Variants in ZMYND11 observed in about 807,000 individuals in gnomAD.
ZMYND11 encodes the protein zinc finger MYND domain-containing protein 11.
Under a neutral mutation model 84.9 loss-of-function variants are expected in ZMYND11, and 9 were observed. The observed-to-expected ratio is 0.11, with a 90% CI of 0.06 to 0.18. The LOEUF is 0.18. Ranked by LOEUF, ZMYND11 falls within the 10% of genes least tolerant of loss-of-function variation. The pLI is 1.00. For missense variants in ZMYND11, 409 were observed against 761.0 expected (o/e 0.54, Z 5.44); for synonymous variants, 250 against 244.1 (o/e 1.02, Z -0.23).
At chr10:149,474 C>T (rs1004975033) in intron 1 of ZMYND11, among the ~76,000 whole-genome samples, 4 of 151,916 alleles carry the variant, frequency 2.6e-5, no homozygotes, top group Admixed American at 2.6e-4. Flanking sequence ...CCATGCCTGG[C>T]TAATTTTTTG....
At chr10:210,807 A>C (rs752195824) in intron 3 of ZMYND11, among the ~76,000 whole-genome samples, 5 of 152,120 alleles carry the variant, frequency 3.3e-5, no homozygotes, top group Non-Finnish European at 7.3e-5. Context: ...TGTTTCTAAT[A>C]CCTTGATTTA....
At chr10:240,772 T>C (rs1950757411) in intron 8 of ZMYND11, 121 bp from the exon 9 acceptor site, 1 of 783,290 alleles carries the variant, frequency 1.3e-6, no homozygotes, top group African/African-American at 1.8e-5. Flanking sequence ...GCTTAAAAGA[T>C]TAAGAAACAA....
chr10:191,367 T>G (rs991246674), intron 2 of ZMYND11, among the ~76,000 whole-genome samples: 34 of 152,348 alleles, frequency 2.2e-4, no homozygotes, highest in African/African-American at 7.9e-4. Context: ...TTTGAAGTTT[T>G]CAAAACATGA....
intron 13 of ZMYND11, 45 bp downstream of exon 13, chr10:248,653 C>T (rs1351687111): frequency 2.6e-6 from 4 of 1,552,586 alleles, no homozygotes; most frequent in East Asian, 2.3e-5. Flanking sequence ...AGCCGGCACT[C>T]CTGTCATGGT....
intron 1 of ZMYND11, among the ~76,000 whole-genome samples, chr10:164,113 T>TG (rs1435353124): frequency 1.3e-5 from 2 of 152,164 alleles, no homozygotes; most frequent in East Asian, 3.9e-4. Context: ...TGCTGTGTAT[T>TG]GCTGTCATAT....
chr10:193,992 T>C (rs1941110046), intron 2 of ZMYND11, among the ~76,000 whole-genome samples: 1 of 152,150 alleles, frequency 6.6e-6, no homozygotes, highest in East Asian at 1.9e-4. Context: ...GGGTGGTTTT[T>C]TTTTAGTGGG....
intron 14 of ZMYND11, among the ~76,000 whole-genome samples, chr10:249,994 AG>A (rs1953039085): frequency 6.6e-6 from 1 of 152,222 alleles, no homozygotes; most frequent in Non-Finnish European, 1.5e-5. Flanking sequence ...AGGGAAAAAG[AG>A]AACTTTATTT....
At chr10:246,669 C>A in intron 10 of ZMYND11, 97 bp from the exon 11 acceptor site, 1 of 1,151,144 alleles carries the variant, frequency 8.7e-7, no homozygotes, top group South Asian at 1.4e-5. Context: ...TGCCACAGGT[C>A]GCACTTTATG....
intron 3 of ZMYND11, among the ~76,000 whole-genome samples, chr10:215,056 T>C (rs1164401520): frequency 3.3e-5 from 5 of 152,220 alleles, no homozygotes; most frequent in Admixed American, 6.5e-5. Flanking sequence ...TCGTTTGCAA[T>C]TGAGGCGGTT....
At chr10:236,809 A>G in intron 4 of ZMYND11, 29 bp from the exon 5 acceptor site, 1 of 1,573,946 alleles carries the variant, frequency 6.4e-7, no homozygotes, top group Non-Finnish European at 8.7e-7. Flanking sequence ...CAGATTTTGT[A>G]CCTTTTTTTA....
chr10:242,744 G>T (rs1406381934), intron 10 of ZMYND11, among the ~76,000 whole-genome samples: 1 of 152,128 alleles, frequency 6.6e-6, no homozygotes, highest in Non-Finnish European at 1.5e-5. Context: ...CATGCCAGGA[G>T]GTTATTAGTG....
intron 1 of ZMYND11, among the ~76,000 whole-genome samples, chr10:154,492 A>G (rs1554758105): frequency 6.6e-6 from 1 of 152,184 alleles, no homozygotes; most frequent in African/African-American, 2.4e-5. Flanking sequence ...AAGAAGGCAG[A>G]GCATGGTCAC....
chr10:251,540 T>C (rs1953500712), intron 14 of ZMYND11, among the ~76,000 whole-genome samples: 1 of 152,198 alleles, frequency 6.6e-6, no homozygotes, highest in Non-Finnish European at 1.5e-5. Flanking sequence ...AGAACTTTCA[T>C]ATTTATACTG....
chr10:164,099 C>T (rs1843479128), intron 1 of ZMYND11, among the ~76,000 whole-genome samples: 1 of 152,132 alleles, frequency 6.6e-6, no homozygotes, highest in African/African-American at 2.4e-5. Flanking sequence ...AAAATCCCTT[C>T]AGTTGCTGTG....
intron 2 of ZMYND11, among the ~76,000 whole-genome samples, chr10:203,042 G>T (rs1257107361): frequency 6.6e-6 from 1 of 151,740 alleles, no homozygotes; most frequent in Non-Finnish European, 1.5e-5. Flanking sequence ...CCTATAGCAA[G>T]CATCATATTT....
intron 2 of ZMYND11, among the ~76,000 whole-genome samples, chr10:204,760 T>C (rs1364310594): frequency 1.3e-5 from 2 of 152,158 alleles, no homozygotes; most frequent in African/African-American, 4.8e-5. Context: ...ATCTTCATGA[T>C]AGTTTATTTT....
At chr10:197,080 A>G (rs374599212) in intron 2 of ZMYND11, among the ~76,000 whole-genome samples, 2 of 150,396 alleles carry the variant, frequency 1.3e-5, no homozygotes, top group Non-Finnish European at 2.9e-5. Flanking sequence ...ATGTGTATCA[A>G]TACATACGCA....
chr10:131,639 C>G (rs184647959), upstream of ZMYND11, among the ~76,000 whole-genome samples: 4 of 152,280 alleles, frequency 2.6e-5, no homozygotes, highest in Admixed American at 6.5e-5. Flanking sequence ...ATCCTCCTCC[C>G]TCAGCTTCTC....
At chr10:195,884 A>G (rs1349889971) in intron 2 of ZMYND11, among the ~76,000 whole-genome samples, 1 of 152,226 alleles carries the variant, frequency 6.6e-6, no homozygotes, top group Non-Finnish European at 1.5e-5. Context: ...TAATTTCTAA[A>G]TAGAAAAATT....
Sources: gnomAD v4.1 joint callset for allele counts (sites outside exome capture counted in the v4.1 genomes callset) on GRCh38, gnomAD v4.1.1 for gene constraint, MANE v1.5 for transcripts, NCBI Gene and HGNC (gene_info 2026-07-23, HGNC 2026-07-21) for gene names.